The following CMIP variants were observed in gnomAD, a reference collection of about 807,000 sequenced individuals.
CMIP encodes the protein c-Maf inducing protein.
A neutral mutation model predicts 97.3 loss-of-function variants in CMIP; 13 were observed. The ratio of observed to expected loss-of-function variants is 0.13; its 90% CI spans 0.09 to 0.21. CMIP has a LOEUF of 0.21. Ranked by LOEUF, CMIP falls within the 10% of genes least tolerant of loss-of-function variation. The pLI, the probability that CMIP is intolerant of heterozygous loss-of-function variation, is 1.00. For missense variants in CMIP, 847 were observed against 1,024.9 expected, an observed-to-expected ratio of 0.83 and a Z score of 2.37; for synonymous variants, 538 against 436.3, an observed-to-expected ratio of 1.23 and a Z score of -2.91.
intron 1 of CMIP, among the ~76,000 whole-genome samples, chr16:81,564,217 C>T (rs188676384): frequency 6.6e-6 from 1 of 152,150 alleles, no homozygotes; most frequent in African/African-American, 2.4e-5. Context: ...AGCTGGGCAC[C>T]CGGGGGTGGG....
intron 1 of CMIP, among the ~76,000 whole-genome samples, chr16:81,547,993 T>C (rs2090581038): frequency 3.9e-5 from 6 of 152,232 alleles, no homozygotes; most frequent in Admixed American, 3.9e-4. Flanking sequence ...AATCATGTCA[T>C]GCTGTAAAGC....
At chr16:81,552,328 T>A (rs2090675535) in intron 1 of CMIP, among the ~76,000 whole-genome samples, 1 of 152,178 alleles carries the variant, frequency 6.6e-6, no homozygotes. Context: ...TCCTGTGGCC[T>A]CTGTGACATG....
At chr16:81,664,380 C>T (rs1358044413) in intron 7 of CMIP, 31 bp downstream of exon 7, 8 of 1,566,642 alleles carry the variant, frequency 5.1e-6, no homozygotes, top group Admixed American at 1.9e-5. Context: ...ACCCAGACCC[C>T]AGCGCCCAGA....
At position 81,594,316 on chromosome 16, in the gene CMIP, G is replaced by A. The variant is rs530629523; in HGVS notation, c.301-13251G>A. 3.3e-5 allele frequency among the ~76,000 whole-genome samples: 5 copies of A among 151,180 alleles called. No individual in the cohort carries two copies. The East Asian group carries it at 9.9e-4, about 30-fold the overall frequency. ...TATTTTTTTGTAGAGACGGAGTTTC[G>A]CCATGTTGTCCAGGCTGGTCTTGAA... On this transcript the variant is annotated intron_variant, in intron 1 of 20. Transcript: ENST00000537098.
At position 81,564,590 on chromosome 16, in the gene CMIP, C is replaced by T. The variant is rs530136111; in HGVS notation, c.301-42977C>T. Among the ~76,000 whole-genome samples the T allele has an allele frequency of 3.3e-5, 5 of 152,298 alleles. No homozygotes were observed. The East Asian group carries it at 7.7e-4, about 24-fold the overall frequency. ...GCCGGGAGCCAGGAGTTCTCAAGCT[C>T]GAGGCTGCGCCGCAGTGCCAGGGAG... On this transcript the variant is annotated intron_variant, in intron 1 of 20. Transcript: ENST00000537098.
At chr16:81,676,638 T>C (rs1904317430) in intron 9 of CMIP, among the ~76,000 whole-genome samples, 2 of 152,190 alleles carry the variant, frequency 1.3e-5, no homozygotes, top group Admixed American at 1.3e-4. Flanking sequence ...CTTTAGCCGA[T>C]GGATTGTTTA....
chr16:81,672,960 T>TC (rs1468433236), intron 9 of CMIP, among the ~76,000 whole-genome samples: 10 of 152,194 alleles, frequency 6.6e-5, no homozygotes, highest in Non-Finnish European at 1.5e-4. Flanking sequence ...CTCTTGGGGC[T>TC]TCCATTCTAC....
rs755010130 is a variant in CMIP at position 81,707,083 on chromosome 16, A to G, written c.2267A>G (p.Lys756Arg). 6.2e-7 allele frequency: 1 copy of G among 1,613,468 alleles called. No homozygotes were observed. Among genetic ancestry groups the G allele is most frequent in the Non-Finnish European group, 8.5e-7 (1 of 1,179,516 alleles). Reference protein sequence around the residue: ...KLSADTYEDLKAKLPNLKEVD... With the variant: ...KLSADTYEDLRAKLPNLKEVD... ...TCAGCTGACACCTACGAAGATCTGA[A>G]GGTAATTCCCTCCTTCCTCCCCACT... Residue 756 changes from lysine to arginine, a missense_variant and splice_region_variant, in exon 20 of 21, where the codon AAG (lysine) becomes AGG (arginine). This residue lies in a region of CMIP where 266 missense variants were observed against 384.2 expected (regional missense o/e 0.69). Coordinates refer to ENST00000537098, the MANE Select transcript of CMIP (RefSeq NM_198390.3).
At chr16:81,537,127 A>G (rs2090357756) in intron 1 of CMIP, among the ~76,000 whole-genome samples, 1 of 152,222 alleles carries the variant, frequency 6.6e-6, no homozygotes, top group Non-Finnish European at 1.5e-5. Context: ...GAACTGGGCT[A>G]CAGACTCAGA....
chr16:81,696,822 G>C, intron 14 of CMIP, 155 bp downstream of exon 14: 1 of 677,452 alleles, frequency 1.5e-6, no homozygotes, highest in Non-Finnish European at 2.5e-6. Context: ...TGGTGGTGGT[G>C]ATGGTGACCG....
chr16:81,618,075 C>G (rs1283752699), intron 2 of CMIP, among the ~76,000 whole-genome samples: 1 of 152,242 alleles, frequency 6.6e-6, no homozygotes, highest in Non-Finnish European at 1.5e-5. Flanking sequence ...GTTATACCAA[C>G]CTGGTTGTAC....
At chr16:81,574,310 C>A in intron 1 of CMIP, among the ~76,000 whole-genome samples, 1 of 105,950 alleles carries the variant, frequency 9.4e-6, no homozygotes, top group Non-Finnish European at 2.2e-5. Flanking sequence ...CACCTCTCAG[C>A]CCTTCTGGGG....
At position 81,484,993 on chromosome 16, in the gene CMIP, G is replaced by T. The variant is rs142665012; in HGVS notation, c.300+39452G>T. Among the ~76,000 whole-genome samples, 521 of 152,078 alleles carry T rather than the reference G, an allele frequency of 3.4e-3. 4 individuals are homozygous for T. The highest frequency in any genetic ancestry group is 0.012 in the African/African-American group (492 of 41,454). The stretch of plus-strand genomic sequence containing the variant: ...CAAGGCTTTCTTGGGCGAGTTTAGA[G>T]CAGCAGTTTCCAACTTGAGCTGCGC... On this transcript the variant is annotated intron_variant, in intron 1 of 20. Transcript: ENST00000537098.
chr16:81,617,301 T>G (rs2150956386), intron 2 of CMIP: 1 of 152,618 alleles, frequency 6.6e-6, no homozygotes, highest in African/African-American at 2.4e-5. Context: ...GAGAATGGCC[T>G]GGAGCTGGGG....
chr16:81,675,348 T>G (rs1266957370), intron 9 of CMIP, among the ~76,000 whole-genome samples: 4 of 150,268 alleles, frequency 2.7e-5, no homozygotes, highest in Non-Finnish European at 4.4e-5. Flanking sequence ...GGATTACAGG[T>G]GTGCACTGCC....
At chr16:81,664,772 C>G (rs1346686857) in intron 7 of CMIP, 1 of 350,668 alleles carries the variant, frequency 2.9e-6, no homozygotes, top group South Asian at 1.4e-4. Flanking sequence ...ACCAGACACA[C>G]TCAGCCTCAG....
intron 1 of CMIP, among the ~76,000 whole-genome samples, chr16:81,579,454 C>T (rs60442333): frequency 6.6e-6 from 1 of 152,198 alleles, no homozygotes; most frequent in African/African-American, 2.4e-5. Flanking sequence ...AATCCTGCCC[C>T]TTAGTGTCAT....
chr16:81,494,966 T>G (rs1003176921), intron 1 of CMIP, among the ~76,000 whole-genome samples: 1 of 152,182 alleles, frequency 6.6e-6, no homozygotes, highest in African/African-American at 2.4e-5. Flanking sequence ...AGCAGCTATG[T>G]AACTAGCCAT....
At chr16:81,523,627 A>G (rs988539866) in intron 1 of CMIP, among the ~76,000 whole-genome samples, 9 of 152,204 alleles carry the variant, frequency 5.9e-5, no homozygotes, top group Non-Finnish European at 1.3e-4. Flanking sequence ...GATCCCAGCC[A>G]AACCCCCTTC....
Sources: allele counts gnomAD v4.1 joint callset (sites outside exome capture counted in the v4.1 genomes callset), GRCh38; gene constraint gnomAD v4.1.1; regional missense constraint gnomAD v4.1.1; transcripts MANE v1.5; gene names NCBI Gene and HGNC (gene_info 2026-07-23, HGNC 2026-07-21).